Variants in PRKACB observed in about 807,000 individuals in gnomAD.
PRKACB encodes protein kinase cAMP-activated catalytic subunit beta, also known as cAMP-dependent protein kinase catalytic subunit beta.
In PRKACB, 16 loss-of-function variants were observed where a neutral mutation model predicts 51.4. The observed-to-expected ratio is 0.31, with a 90% CI of 0.21 to 0.47. The LOEUF (loss-of-function observed/expected upper bound fraction) is 0.47, where lower values mean the gene tolerates loss of function less well. Ranked by LOEUF, PRKACB falls within the 20% of genes least tolerant of loss-of-function variation. PRKACB has a pLI of 1.00. For missense variants in PRKACB, 309 were observed against 464.5 expected (o/e 0.67, Z 3.08); for synonymous variants, 147 against 154.4 (o/e 0.95, Z 0.35).
Position 84,182,240 on chromosome 1 carries a change from T to A in PRKACB, c.290T>A (p.Leu97His). Residue 97 changes from leucine (L) to histidine (H), a missense_variant, in exon 3 of 10, where the codon CTT becomes CAT. Around this residue, in one of 3 missense-constraint regions of PRKACB, gnomAD observed 153 missense variants for 190.2 expected, o/e 0.80. Coordinates refer to ENST00000370685, the MANE Select transcript of PRKACB (RefSeq NM_182948.4). ...GLEDFERKKT[L>H]GTGSFGRVML... ...GAAGATTTTGAAAGGAAAAAAACCC[T>A]TGGAACAGGTTCATTTGGAAGAGTC... 1 of 1,596,020 alleles carries A rather than the reference T, an allele frequency of 6.3e-7. No individual in the cohort carries two copies. The highest frequency in any genetic ancestry group is 8.6e-7 in the Non-Finnish European group (1 of 1,169,010).
chr1:84,185,369 T>TA (rs1390819097), intron 5 of PRKACB, among the ~76,000 whole-genome samples, 187 bp downstream of exon 5: 1 of 151,540 alleles, frequency 6.6e-6, no homozygotes, highest in Non-Finnish European at 1.5e-5. Flanking sequence ...AAATTTAATA[T>TA]AAAAAAAGGA....
intron 1 of PRKACB, among the ~76,000 whole-genome samples, chr1:84,158,701 T>C (rs1571888166): frequency 6.6e-6 from 1 of 152,160 alleles, no homozygotes; most frequent in African/African-American, 2.4e-5. Context: ...TTTTTCCTTT[T>C]TGGATTGTAC....
chr1:84,098,787 A>G (rs1242198293), intron 1 of PRKACB, among the ~76,000 whole-genome samples: 1 of 152,118 alleles, frequency 6.6e-6, no homozygotes, highest in Non-Finnish European at 1.5e-5. Context: ...AAGCAAGTAT[A>G]GACAAAACGA....
At chr1:84,182,631 C>A (rs1390683354) in intron 3 of PRKACB, among the ~76,000 whole-genome samples, 9 of 151,864 alleles carry the variant, frequency 5.9e-5, no homozygotes, top group Non-Finnish European at 1.5e-5. Flanking sequence ...TTATTATTCC[C>A]TAAACAATAC....
At chr1:84,222,031 T>C (rs1673807378) in intron 9 of PRKACB, among the ~76,000 whole-genome samples, 1 of 152,160 alleles carries the variant, frequency 6.6e-6, no homozygotes, top group South Asian at 2.1e-4. Flanking sequence ...AGTGTTGAAG[T>C]CCTGAACTAT....
At chr1:84,078,503 G>T (rs1647266774) in intron 1 of PRKACB, 3 of 1,030,280 alleles carry the variant, frequency 2.9e-6, no homozygotes, top group Non-Finnish European at 4.2e-6. Flanking sequence ...TCGTTCTGGG[G>T]GGCCGGGAGA....
intron 1 of PRKACB, among the ~76,000 whole-genome samples, chr1:84,158,895 C>T (rs1655844138): frequency 6.6e-6 from 1 of 151,968 alleles, no homozygotes; most frequent in Non-Finnish European, 1.5e-5. Context: ...AAAGAATTTC[C>T]TTTCTCTATT....
intron 1 of PRKACB, among the ~76,000 whole-genome samples, chr1:84,162,473 C>G (rs1008339381): frequency 6.6e-6 from 1 of 151,870 alleles, no homozygotes; most frequent in Non-Finnish European, 1.5e-5. Context: ...GTCCACTTTT[C>G]TCCTGTCTTT....
chr1:84,198,817 T>C (rs1317796953), intron 7 of PRKACB, among the ~76,000 whole-genome samples: 5 of 149,810 alleles, frequency 3.3e-5, no homozygotes, highest in African/African-American at 1.2e-4. Context: ...TTAAAAACAT[T>C]CATATATGTA....
intron 1 of PRKACB, among the ~76,000 whole-genome samples, chr1:84,092,448 T>C (rs1052442189): frequency 3.3e-5 from 5 of 152,234 alleles, no homozygotes; most frequent in Non-Finnish European, 2.9e-5. Context: ...AGTTTGGAGC[T>C]CTTATAAATA....
intron 1 of PRKACB, among the ~76,000 whole-genome samples, chr1:84,079,945 C>T (rs573565104): frequency 1.3e-5 from 2 of 152,100 alleles, no homozygotes; most frequent in East Asian, 1.9e-4. Context: ...GGATTACAGG[C>T]GTGAGCTACC....
At chr1:84,210,631 C>T (rs1420592945) in intron 8 of PRKACB, among the ~76,000 whole-genome samples, 2 of 152,108 alleles carry the variant, frequency 1.3e-5, no homozygotes, top group Non-Finnish European at 2.9e-5. Context: ...ATTCTCATTT[C>T]ACTTTCTATA....
rs144592905 is a variant in PRKACB, at chr1:84,235,090, T to C, written c.1072-90T>C. 197 of 1,380,054 alleles carry C rather than the reference T, an allele frequency of 1.4e-4. 2 individuals are homozygous for C. The East Asian group carries it at 4.2e-3, about 30-fold the overall frequency. 85.5% of individuals were successfully genotyped at this position (1,380,054 alleles called of 1,614,324 possible). A position where few individuals can be genotyped will look rare whatever the true frequency, so the allele number is the denominator to read the frequency against. On this transcript the variant is annotated intron_variant, in intron 9 of 9. Coordinates refer to ENST00000370685, the MANE Select transcript of PRKACB (RefSeq NM_182948.4). ...GGCATCTAAGGATTTCACCGTGTAA[T>C]AACAGTGGGAATTTATTTTTCTTGG...
intron 6 of PRKACB, 67 bp from the exon 7 acceptor site, chr1:84,197,662 T>C: frequency 9.8e-7 from 1 of 1,019,414 alleles, no homozygotes; most frequent in Non-Finnish European, 1.4e-6. Flanking sequence ...ACTTTCAACG[T>C]AGGTGCAATA....
chr1:84,219,269 G>C (rs1431732157), intron 9 of PRKACB, among the ~76,000 whole-genome samples: 1 of 149,876 alleles, frequency 6.7e-6, no homozygotes, highest in Non-Finnish European at 1.5e-5. Context: ...TTGTTGCCCA[G>C]GCTAGAGTGC....
intron 9 of PRKACB, among the ~76,000 whole-genome samples, chr1:84,217,319 T>C (rs983905077): frequency 1.3e-5 from 2 of 152,188 alleles, no homozygotes; most frequent in African/African-American, 2.4e-5. Context: ...ATTTGATATA[T>C]GTCTTTTTAC....
chr1:84,195,773 C>CA (rs1668052717), intron 5 of PRKACB, among the ~76,000 whole-genome samples: 1 of 151,804 alleles, frequency 6.6e-6, no homozygotes. Flanking sequence ...ATTAGCCGGG[C>CA]ATGGTGGTGG....
intron 1 of PRKACB, among the ~76,000 whole-genome samples, chr1:84,116,865 T>C (rs1309193994): frequency 6.6e-6 from 1 of 152,188 alleles, no homozygotes; most frequent in Non-Finnish European, 1.5e-5. Context: ...CGAATAATAG[T>C]AGTTAAAGTG....
chr1:84,174,884 A>T, intron 1 of PRKACB: 1 of 687,856 alleles, frequency 1.5e-6, no homozygotes, highest in Non-Finnish European at 2.1e-6. Context: ...AAGATAACTT[A>T]TTTGAATACA....
Sources: allele counts gnomAD v4.1 joint callset (sites outside exome capture counted in the v4.1 genomes callset), GRCh38; gene constraint gnomAD v4.1.1; regional missense constraint gnomAD v4.1.1; transcripts MANE v1.5; gene names NCBI Gene and HGNC (gene_info 2026-07-23, HGNC 2026-07-21).